The following KDM4B variants were observed in gnomAD, a reference collection of about 807,000 sequenced individuals.
KDM4B encodes lysine demethylase 4B.
KDM4B carries 32 observed loss-of-function variants against 125.2 expected under a neutral mutation model. The ratio of observed to expected loss-of-function variants is 0.26; its 90% CI spans 0.19 to 0.34. The LOEUF is 0.34. KDM4B is among the 10% of genes least tolerant of loss of function. The pLI is 1.00. For missense variants in KDM4B, 1,190 were observed against 1,577.7 expected (o/e 0.75, Z 4.16); for synonymous variants, 721 against 677.9 (o/e 1.06, Z -0.99).
intron 15 of KDM4B, among the ~76,000 whole-genome samples, chr19:5,136,047 C>T (rs1393906019): frequency 6.6e-6 from 1 of 152,264 alleles, no homozygotes. Context: ...ATGGCTGTCT[C>T]TGCCAAGCAG....
chr19:5,114,028 CCT>C lies in KDM4B; in HGVS notation c.1115+3211_1115+3212del, dbSNP rs1320283542. 2.3e-6 allele frequency: 3 copies of C among 1,282,958 alleles called. No individual in the cohort carries two copies. The highest frequency in any genetic ancestry group is 3.0e-6 in the Non-Finnish European group (3 of 985,098). The allele number at this position is 1,282,958 out of a possible 1,614,324, so 79.5% of individuals were successfully genotyped here. ...GTTGGGGGCTGTTTGTATTCTTCCCCCTGATGGATGGGTCGCCTAAAACTGCA... is the reference window on the plus strand; with the variant it reads ...GTTGGGGGCTGTTTGTATTCTTCCCCGATGGATGGGTCGCCTAAAACTGCA... On this transcript the variant is annotated intron_variant, in intron 10 of 22. Transcript: ENST00000159111. This position sits in a 1 kb window ranked among gnomAD's most constrained non-coding sequence, Gnocchi z 5.8.
intron 6 of KDM4B, among the ~76,000 whole-genome samples, chr19:5,058,886 G>A (rs1410908399): frequency 2.0e-5 from 3 of 152,184 alleles, no homozygotes; most frequent in South Asian, 2.1e-4. Context: ...GCGAGTCACC[G>A]GCATCCTGTC....
At chr19:5,145,939 C>G (rs1268485628) in intron 21 of KDM4B, among the ~76,000 whole-genome samples, 2 of 152,240 alleles carry the variant, frequency 1.3e-5, no homozygotes, top group Admixed American at 6.5e-5. Context: ...TGCGATGGTC[C>G]CGAGGCCGCA....
chr19:5,086,544 A>C (rs906272966), intron 9 of KDM4B, among the ~76,000 whole-genome samples: 1 of 152,154 alleles, frequency 6.6e-6, no homozygotes, highest in South Asian at 2.1e-4. Flanking sequence ...AGTAGTTCCG[A>C]AAAGCCAAGA....
chr19:5,062,335 C>T lies in KDM4B; in HGVS notation c.627-8675C>T, dbSNP rs540454742. ...CTGTGGGGCAGCTGCCTGTCCTGGG[C>T]GACCCATCCTCCTGGGGTGGCCATC... On this transcript the variant is annotated intron_variant, in intron 6 of 22. Coordinates refer to ENST00000159111, the MANE Select transcript of KDM4B (RefSeq NM_015015.3). 7.5e-4 allele frequency among the ~76,000 whole-genome samples: 114 copies of T among 152,338 alleles called. 1 individual carries two copies. In the Middle Eastern group the frequency reaches 0.014, roughly 18 times the overall value.
At chr19:5,132,382 G>A (rs1377668408) in intron 13 of KDM4B, among the ~76,000 whole-genome samples, 1 of 152,164 alleles carries the variant, frequency 6.6e-6, no homozygotes, top group Non-Finnish European at 1.5e-5. Flanking sequence ...GGGAGGAGAT[G>A]GAATCTTCGA....
rs546684476 is a variant in KDM4B, at chr19:5,039,967, G to A, written c.273G>A (p.Lys91=). The part of the protein sequence containing the change: ...GLFTQYNIQK[K]AMTVGEYRRL... ...TCACGCAGTACAATATCCAGAAGAA[G>A]GCCATGACAGTGGGCGAGTACCGCC... The change falls in exon 4 of 23, where the codon AAG becomes AAA. Residue 91 remains lysine (K), a synonymous_variant. Coordinates refer to ENST00000159111, the MANE Select transcript of KDM4B (RefSeq NM_015015.3). 5 of 1,612,526 alleles carry A rather than the reference G, an allele frequency of 3.1e-6. No individual in the cohort carries two copies. Among genetic ancestry groups the A allele is most frequent in the Non-Finnish European group, 4.2e-6 (5 of 1,179,724 alleles).
At chr19:5,089,360 T>C (rs1002869686) in intron 9 of KDM4B, among the ~76,000 whole-genome samples, 2 of 152,218 alleles carry the variant, frequency 1.3e-5, no homozygotes, top group African/African-American at 4.8e-5. Context: ...ACCGGTTCCA[T>C]GTCTAGGGAT....
intron 9 of KDM4B, among the ~76,000 whole-genome samples, chr19:5,095,226 A>T (rs1180448901): frequency 6.6e-6 from 1 of 152,170 alleles, no homozygotes; most frequent in African/African-American, 2.4e-5. Flanking sequence ...TGGTTCCTGG[A>T]TCAGGGGGCT....
Position 5,141,702 on chromosome 19 carries a change from G to C in KDM4B, c.2551-2265G>C, listed in dbSNP as rs867739561. Among the ~76,000 whole-genome samples the C allele has an allele frequency of 2.6e-5, 4 of 152,300 alleles. No homozygotes were observed. In the South Asian group the frequency reaches 8.3e-4, roughly 32 times the overall value. ...CTCCAGGCAGTCCTGGTGAGTCAGG[G>C]GGCTCCGGCTGGCCGCCCGCCTGGG... On this transcript the variant is annotated intron_variant, in intron 18 of 22. Coordinates refer to ENST00000159111, the MANE Select transcript of KDM4B (RefSeq NM_015015.3). This position sits in a 1 kb window ranked among gnomAD's most constrained non-coding sequence, Gnocchi z 6.4.
chr19:5,119,863 G>A lies in KDM4B; in HGVS notation c.1315+11G>A, dbSNP rs747198124. 3 of 1,544,656 alleles carry A rather than the reference G, an allele frequency of 1.9e-6. No individual in the cohort carries two copies. The African/African-American group carries it at 4.1e-5, about 21-fold the overall frequency. On this transcript the variant is annotated intron_variant, in intron 11 of 22. Coordinates refer to ENST00000159111, the MANE Select transcript of KDM4B (RefSeq NM_015015.3). The stretch of plus-strand genomic sequence containing the variant: ...CCGAGGGCGCAGAAGGTCAGTCCCT[G>A]CCGGGCCAGGCCTGGCACCGCTGTT...
chr19:4,972,637 G>T (rs530608565), intron 1 of KDM4B, among the ~76,000 whole-genome samples: 35 of 152,222 alleles, frequency 2.3e-4, no homozygotes, highest in African/African-American at 8.2e-4. Context: ...TGTCAACCCC[G>T]CAGTGAGAAC....
At position 4,990,502 on chromosome 19, in the gene KDM4B, G is replaced by C. The variant is rs2034997971; in HGVS notation, c.-109+21272G>C. On this transcript the variant is annotated intron_variant, in intron 1 of 22. Transcript: ENST00000159111. ...GAGTCTGAAGGCAGCGTGGCGAGGA[G>C]ATGGGAGGGCTGTGCCTGGGATCCT... 2.6e-5 allele frequency among the ~76,000 whole-genome samples: 4 copies of C among 152,218 alleles called. No individual in the cohort carries two copies. The South Asian group carries it at 8.3e-4, about 31-fold the overall frequency.
chr19:4,987,798 C>T (rs897283697), intron 1 of KDM4B, among the ~76,000 whole-genome samples: 17 of 152,094 alleles, frequency 1.1e-4, no homozygotes, highest in African/African-American at 3.4e-4. Context: ...AAACTCCAGG[C>T]GTCGCCCAGG....
At chr19:5,028,617 T>C (rs1319077950) in intron 2 of KDM4B, among the ~76,000 whole-genome samples, 2 of 152,154 alleles carry the variant, frequency 1.3e-5, no homozygotes, top group Non-Finnish European at 2.9e-5. Context: ...CTGGGTCAAG[T>C]GTGATTTATG....
At chr19:5,010,983 A>T (rs890281093) in intron 1 of KDM4B, among the ~76,000 whole-genome samples, 3 of 152,184 alleles carry the variant, frequency 2.0e-5, no homozygotes, top group Non-Finnish European at 4.4e-5. Flanking sequence ...CAGGAAAGCC[A>T]TCTGTGTGTT....
Position 5,082,639 on chromosome 19 carries a change from G to A in KDM4B, c.918+135G>A. On this transcript the variant is annotated intron_variant, in intron 9 of 22. Coordinates refer to ENST00000159111, the MANE Select transcript of KDM4B (RefSeq NM_015015.3). The surrounding 1 kb of genome is among the most constrained non-coding windows in gnomAD (Gnocchi z 5.4). ...GGGCCTGGGCTCTCAACCAGGGTCTGATTCTGGGCTCCTCAGAGAGCTTTT... is the reference window on the plus strand; with the variant it reads ...GGGCCTGGGCTCTCAACCAGGGTCTAATTCTGGGCTCCTCAGAGAGCTTTT... 1.0e-6 allele frequency: 1 copy of A among 962,464 alleles called. No individual in the cohort carries two copies. Among genetic ancestry groups the A allele is most frequent in the Non-Finnish European group, 1.5e-6 (1 of 672,910 alleles). 59.6% of individuals were successfully genotyped at this position (962,464 alleles called of 1,614,324 possible).
chr19:4,997,798 G>A lies in KDM4B; in HGVS notation c.-108-18459G>A, dbSNP rs568613132. On this transcript the variant is annotated intron_variant, in intron 1 of 22. Transcript: ENST00000159111. The surrounding 1 kb of genome is among the most constrained non-coding windows in gnomAD (Gnocchi z 4.2). ...TACTGTCTGGTCTGTTCCAAAGGCC[G>A]CAGGCCCCAGAAAGACGGTGACACT... is the stretch of plus-strand genomic sequence containing the variant. Among the ~76,000 whole-genome samples, 39 of 152,306 alleles carry A rather than the reference G, an allele frequency of 2.6e-4. No homozygotes were observed. The highest frequency in any genetic ancestry group is 1.2e-3 in the East Asian group (6 of 5,176).
At chr19:5,061,754 A>G (rs2145778790) in intron 6 of KDM4B, among the ~76,000 whole-genome samples, 1 of 151,712 alleles carries the variant, frequency 6.6e-6, no homozygotes, top group South Asian at 2.1e-4. Flanking sequence ...GTCATCTTTT[A>G]GCTACATGGG....
Sources: allele counts gnomAD v4.1 joint callset (sites outside exome capture counted in the v4.1 genomes callset), GRCh38; gene constraint gnomAD v4.1.1; non-coding constraint Gnocchi (gnomAD v3.1); transcripts MANE v1.5; gene names NCBI Gene and HGNC (gene_info 2026-07-23, HGNC 2026-07-21).